Variants in TENM3 observed in about 807,000 individuals in gnomAD.
TENM3 encodes the protein teneurin-3.
Under a neutral mutation model 255.1 loss-of-function variants are expected in TENM3, and 63 were observed. The ratio of observed to expected loss-of-function variants is 0.25; its 90% CI spans 0.20 to 0.30. The LOEUF is 0.30. Among genes scored for constraint, TENM3 ranks in the 10% least tolerant of loss-of-function variants. The pLI is 1.00. For synonymous variants in TENM3, 1,306 were observed against 1,322.3 expected (o/e 0.99, Z 0.27); for missense variants, 2,929 against 3,461.1 (o/e 0.85, Z 3.86).
chr4:181,576,867 G>A, the TENM3 span, among the ~76,000 whole-genome samples: 7 of 129,850 alleles, frequency 5.4e-5, no homozygotes, highest in African/African-American at 3.0e-5. Context: ...AGGCTGGAGT[G>A]CAATGGCACG....
the TENM3 span, among the ~76,000 whole-genome samples, chr4:181,523,780 C>T: frequency 5.9e-5 from 9 of 152,154 alleles, no homozygotes; most frequent in African/African-American, 1.9e-4. Flanking sequence ...GTCTCCTATG[C>T]GCCACAAAGT....
the TENM3 span, among the ~76,000 whole-genome samples, chr4:182,093,930 T>C: frequency 2.6e-5 from 4 of 152,270 alleles, no homozygotes; most frequent in Non-Finnish European, 4.4e-5. Context: ...TAATATATAA[T>C]AGATTTGCCT....
At chr4:182,314,678 T>C (rs1165851105) in intron 1 of TENM3, among the ~76,000 whole-genome samples, 1 of 152,274 alleles carries the variant, frequency 6.6e-6, no homozygotes, top group Non-Finnish European at 1.5e-5. Flanking sequence ...AGTGTGTTTC[T>C]TGGAAATAGC....
chr4:182,469,179 T>C (rs1044830157), intron 3 of TENM3, among the ~76,000 whole-genome samples: 1 of 152,220 alleles, frequency 6.6e-6, no homozygotes, highest in Non-Finnish European at 1.5e-5. Context: ...CATCTGAATG[T>C]CTGCCTGAAT....
At chr4:182,203,663 G>A (rs1754352950) in intron 1 of TENM3, among the ~76,000 whole-genome samples, 1 of 152,106 alleles carries the variant, frequency 6.6e-6, no homozygotes, top group African/African-American at 2.4e-5. Context: ...CGCCTCTCCC[G>A]CTAACCTGAG....
At chr4:182,679,108 A>G (rs1483573003) in intron 7 of TENM3, among the ~76,000 whole-genome samples, 1 of 152,150 alleles carries the variant, frequency 6.6e-6, no homozygotes, top group Non-Finnish European at 1.5e-5. Flanking sequence ...TACCTAATGT[A>G]GATGATGGAT....
intron 1 of TENM3, among the ~76,000 whole-genome samples, chr4:182,218,559 A>C (rs968309068): frequency 2.6e-5 from 4 of 152,204 alleles, no homozygotes; most frequent in African/African-American, 9.7e-5. Context: ...AAAATTATGC[A>C]GTAAGTGACT....
chr4:182,237,040 A>T (rs1457780003), intron 1 of TENM3, among the ~76,000 whole-genome samples: 1 of 152,068 alleles, frequency 6.6e-6, no homozygotes, highest in Non-Finnish European at 1.5e-5. Flanking sequence ...CCTGACCTGA[A>T]AATCCTTGTG....
chr4:181,663,432 A>G, the TENM3 span, among the ~76,000 whole-genome samples: 4 of 152,152 alleles, frequency 2.6e-5, no homozygotes, highest in Non-Finnish European at 4.4e-5. Flanking sequence ...AAATTCATCA[A>G]TCTTATAGCA....
chr4:181,937,054 ATG>A, the TENM3 span, among the ~76,000 whole-genome samples: 1 of 152,230 alleles, frequency 6.6e-6, no homozygotes, highest in East Asian at 1.9e-4. Flanking sequence ...TTTTGAAGAG[ATG>A]CCACCTAACC....
chr4:182,686,999 AT>A (rs1341547300), intron 11 of TENM3, among the ~76,000 whole-genome samples: 2 of 152,154 alleles, frequency 1.3e-5, no homozygotes, highest in African/African-American at 4.8e-5. Context: ...TTTATAAAAA[AT>A]ATTACAACTC....
intron 3 of TENM3, among the ~76,000 whole-genome samples, chr4:182,380,702 C>G (rs1026325761): frequency 6.6e-6 from 1 of 152,128 alleles, no homozygotes; most frequent in Non-Finnish European, 1.5e-5. Context: ...AAAATGCCTC[C>G]CAACTGTGAG....
At chr4:182,093,537 A>G in the TENM3 span, among the ~76,000 whole-genome samples, 1 of 152,200 alleles carries the variant, frequency 6.6e-6, no homozygotes, top group Non-Finnish European at 1.5e-5. Context: ...AGGAGGAGGC[A>G]GAGTGCAGAG....
chr4:181,903,767 C>A, the TENM3 span, among the ~76,000 whole-genome samples: 3 of 152,132 alleles, frequency 2.0e-5, no homozygotes, highest in Non-Finnish European at 4.4e-5. Flanking sequence ...CTGAGGAGGG[C>A]CCCTCCTGGT....
the TENM3 span, among the ~76,000 whole-genome samples, chr4:181,981,474 G>A: frequency 2.6e-5 from 4 of 152,224 alleles, no homozygotes; most frequent in East Asian, 7.7e-4. Flanking sequence ...CAAATCTATT[G>A]AAACTAAAAC....
chr4:182,747,634 T>C (rs761926767), intron 19 of TENM3, among the ~76,000 whole-genome samples: 112 of 152,314 alleles, frequency 7.4e-4, no homozygotes, highest in Admixed American at 2.1e-3. Context: ...AATTAACTAA[T>C]ACCAGCCAAA....
At chr4:182,296,118 C>T (rs959874877) in intron 1 of TENM3, among the ~76,000 whole-genome samples, 5 of 152,026 alleles carry the variant, frequency 3.3e-5, no homozygotes, top group African/African-American at 7.2e-5. Flanking sequence ...CACGCACCAC[C>T]GTGCCTGGCT....
At chr4:182,466,526 T>A (rs1464642671) in intron 3 of TENM3, among the ~76,000 whole-genome samples, 1 of 150,208 alleles carries the variant, frequency 6.7e-6, no homozygotes, top group Non-Finnish European at 1.5e-5. Flanking sequence ...GGAGGTGGGG[T>A]CTCCCTATAT....
chr4:182,690,156 T>G (rs1001822466), intron 12 of TENM3, among the ~76,000 whole-genome samples: 1 of 152,192 alleles, frequency 6.6e-6, no homozygotes, highest in African/African-American at 2.4e-5. Context: ...AGGCCCACTG[T>G]TAGCTCTTAC....
Sources: gnomAD v4.1 joint callset for allele counts (sites outside exome capture counted in the v4.1 genomes callset) on GRCh38, gnomAD v4.1.1 for gene constraint, MANE v1.5 for transcripts, NCBI Gene and HGNC (gene_info 2026-07-23, HGNC 2026-07-21) for gene names.